ARL15: variants seen among roughly 807,000 people sequenced by gnomAD.
ARL15 encodes ARF like GTPase 15, also known as ADP-ribosylation factor-like protein 15.
ARL15 carries 19 observed loss-of-function variants against 25.2 expected under a neutral mutation model. That is an observed-to-expected ratio of 0.75 (90% CI 0.53 to 1.10). The LOEUF is 1.10. Ranked by LOEUF, ARL15 falls within the 50% of genes least tolerant of loss-of-function variation. The pLI, the probability that ARL15 is intolerant of heterozygous loss-of-function variation, is 0.00. For missense variants in ARL15, 220 were observed against 246.0 expected, an observed-to-expected ratio of 0.89 and a Z score of 0.71; for synonymous variants, 94 against 86.8, an observed-to-expected ratio of 1.08 and a Z score of -0.46.
intron 1 of ARL15, among the ~76,000 whole-genome samples, chr5:54,219,077 A>T (rs1756301814): frequency 6.6e-6 from 1 of 152,082 alleles, no homozygotes; most frequent in Non-Finnish European, 1.5e-5. Context: ...GTCGGCACTA[A>T]CATAGCCCTT....
intron 4 of ARL15, among the ~76,000 whole-genome samples, chr5:53,975,249 G>C (rs956014871): frequency 4.6e-5 from 7 of 152,188 alleles, no homozygotes; most frequent in Non-Finnish European, 5.9e-5. Flanking sequence ...AATGATGTCT[G>C]AGGGATCCCC....
intron 1 of ARL15, among the ~76,000 whole-genome samples, chr5:54,173,871 A>T (rs1025132931): frequency 4.0e-5 from 6 of 151,768 alleles, no homozygotes; most frequent in African/African-American, 1.5e-4. Context: ...TACATCCTCC[A>T]GCCATGCCCT....
intron 4 of ARL15, among the ~76,000 whole-genome samples, chr5:53,943,812 AAG>A (rs1385277096): frequency 8.5e-5 from 13 of 152,344 alleles, no homozygotes; most frequent in Middle Eastern, 6.8e-3. Context: ...CCATGGGAAG[AAG>A]AGGTGTCAAA....
At chr5:54,003,658 T>TTATATCCA (rs1253734153) in intron 4 of ARL15, among the ~76,000 whole-genome samples, 2,597 of 134,086 alleles carry the variant, frequency 0.019, 36 homozygotes, top group Middle Eastern at 0.056. Flanking sequence ...AGAAAATATT[T>TTATATCCA]TCTTTCTATC....
chr5:53,951,361 A>C, intron 4 of ARL15: 1 of 370,812 alleles, frequency 2.7e-6, no homozygotes, highest in Non-Finnish European at 5.5e-6. Flanking sequence ...ATCTGAGCTA[A>C]GCTTTTGTAG....
chr5:53,888,952 T>C (rs1285786529), intron 4 of ARL15, among the ~76,000 whole-genome samples: 2 of 152,130 alleles, frequency 1.3e-5, no homozygotes. Flanking sequence ...GTGCTTACAA[T>C]GCAATCTAGT....
intron 4 of ARL15, among the ~76,000 whole-genome samples, chr5:53,903,196 G>T (rs2111947205): frequency 6.6e-6 from 1 of 152,260 alleles, no homozygotes; most frequent in South Asian, 2.1e-4. Flanking sequence ...CAGACATAAA[G>T]AGAACACCAG....
Position 54,172,232 on chromosome 5 carries a change from C to A in ARL15, c.49-304G>T, listed in dbSNP as rs186261544. Reference sequence around the variant, plus strand: ...CCTGCCAAAACCACACAATCTGAATCTAAGCATGAGGAAACCAGATAAAGC... The same window carrying A: ...CCTGCCAAAACCACACAATCTGAATATAAGCATGAGGAAACCAGATAAAGC... On this transcript the variant is annotated intron_variant, in intron 1 of 4. Transcript: ENST00000504924. 9.9e-3 allele frequency among the ~76,000 whole-genome samples: 1,513 copies of A among 152,250 alleles called. 13 individuals are homozygous for A. Among genetic ancestry groups the A allele is most frequent in the South Asian group, 0.017 (81 of 4,822 alleles).
At chr5:54,134,044 G>C (rs766639065) in intron 3 of ARL15, among the ~76,000 whole-genome samples, 1 of 152,106 alleles carries the variant, frequency 6.6e-6, no homozygotes, top group Non-Finnish European at 1.5e-5. Flanking sequence ...ATACAAGATA[G>C]CAGAAAAACT....
chr5:53,886,568 C>A lies in ARL15; in HGVS notation c.608G>T (p.Arg203Ile). 6.4e-7 allele frequency: 1 copy of A among 1,559,630 alleles called. No individual in the cohort carries two copies. The highest frequency in any genetic ancestry group is 2.0e-5 in the Admixed American group (1 of 51,174). ...LLEEKDHEAV[R>I]M ...TGTTTTCTTTGCCAGATTTCACATT[C>A]TTACAGCTTCATGGTCTTTTTCTTC... Residue 203 changes from arginine (R) to isoleucine (I), a missense_variant, in exon 5 of 5, where the codon AGA becomes ATA. Arg to Ile is a moderately conservative substitution (Grantham distance 97). Coordinates refer to ENST00000504924, the MANE Select transcript of ARL15 (RefSeq NM_019087.3).
At chr5:54,276,768 G>C (rs1357830646) in intron 1 of ARL15, among the ~76,000 whole-genome samples, 5 of 152,236 alleles carry the variant, frequency 3.3e-5, no homozygotes, top group Admixed American at 3.3e-4. Context: ...AGACATGAGT[G>C]TCAGAGTCAT....
intron 3 of ARL15, among the ~76,000 whole-genome samples, chr5:54,143,435 C>T (rs1375910080): frequency 6.6e-6 from 1 of 151,402 alleles, no homozygotes; most frequent in Non-Finnish European, 1.5e-5. Context: ...TTAAGGGTAT[C>T]ATTTCCTATA....
intron 4 of ARL15, among the ~76,000 whole-genome samples, chr5:53,936,670 T>C (rs1360760455): frequency 6.6e-6 from 1 of 152,262 alleles, no homozygotes; most frequent in African/African-American, 2.4e-5. Context: ...GTTACTGTCA[T>C]TATCATTAAA....
chr5:54,258,168 C>CAAAAA (rs773543108), intron 1 of ARL15, among the ~76,000 whole-genome samples: 11,501 of 121,380 alleles, frequency 0.095, 717 homozygotes, highest in African/African-American at 0.19. Flanking sequence ...TTTGTTTCTA[C>CAAAAA]AAAAAAAAAA....
chr5:53,981,622 G>T (rs751828970), intron 4 of ARL15, among the ~76,000 whole-genome samples: 1 of 152,128 alleles, frequency 6.6e-6, no homozygotes, highest in Non-Finnish European at 1.5e-5. Flanking sequence ...CATGCGGGGC[G>T]CAGTAGCTCA....
At chr5:53,945,659 G>A (rs1290799077) in intron 4 of ARL15, among the ~76,000 whole-genome samples, 1 of 152,178 alleles carries the variant, frequency 6.6e-6, no homozygotes, top group Non-Finnish European at 1.5e-5. Flanking sequence ...CCTGAAAAAT[G>A]AGTTGCAAAA....
At chr5:54,037,115 T>C (rs1750191709) in intron 4 of ARL15, among the ~76,000 whole-genome samples, 1 of 152,024 alleles carries the variant, frequency 6.6e-6, no homozygotes, top group African/African-American at 2.4e-5. Context: ...TTAAATGACA[T>C]TGAACCTACT....
intron 1 of ARL15, among the ~76,000 whole-genome samples, chr5:54,177,132 G>A (rs1754900041): frequency 6.6e-6 from 1 of 152,116 alleles, no homozygotes. Context: ...TTTCACACGG[G>A]ACAAGTTATG....
Position 54,194,883 on chromosome 5 carries a change from A to G in ARL15, c.49-22955T>C, listed in dbSNP as rs184375099. Among the ~76,000 whole-genome samples, 413 of 152,290 alleles carry G rather than the reference A, an allele frequency of 2.7e-3. 1 individual carries two copies. Among genetic ancestry groups the G allele is most frequent in the African/African-American group, 9.5e-3 (394 of 41,574 alleles). ...GAGAATTTTACCTTTAGCTTTACCA[A>G]CTTCCCAAGAGGACTTCTAGTCATG... On this transcript the variant is annotated intron_variant, in intron 1 of 4. Transcript: ENST00000504924.
Sources: allele counts gnomAD v4.1 joint callset (sites outside exome capture counted in the v4.1 genomes callset), GRCh38; gene constraint gnomAD v4.1.1; transcripts MANE v1.5; gene names NCBI Gene and HGNC (gene_info 2026-07-23, HGNC 2026-07-21).